Variants in MPDZ observed in about 807,000 individuals in gnomAD.
The protein encoded by MPDZ is multiple PDZ domain crumbs cell polarity complex component.
A neutral mutation model predicts 239.1 loss-of-function variants in MPDZ; 234 were observed. The ratio of observed to expected loss-of-function variants is 0.98; its 90% confidence interval spans 0.88 to 1.09. The LOEUF is 1.09. MPDZ is among the 50% of genes least tolerant of loss of function. MPDZ has a pLI of 0.00. For synonymous variants in MPDZ, 1,048 were observed against 881.3 expected, an observed-to-expected ratio of 1.19 and a Z score of -3.35; for missense variants, 3,175 against 2,510.0, an observed-to-expected ratio of 1.26 and a Z score of -5.66.
chr9:13,136,873 T>C, intron 29 of MPDZ, 70 bp from the exon 30 acceptor site: 6 of 829,432 alleles, frequency 7.2e-6, no homozygotes, highest in Non-Finnish European at 9.3e-6. Context: ...TCCTTCCTCA[T>C]TAATGAAAAG....
intron 19 of MPDZ, among the ~76,000 whole-genome samples, chr9:13,178,297 T>C (rs931483702): frequency 1.3e-5 from 2 of 151,914 alleles, no homozygotes; most frequent in Admixed American, 6.6e-5. Flanking sequence ...TACTGCTAAC[T>C]TGTGTTCCAA....
chr9:13,260,635 G>C (rs918588588), intron 1 of MPDZ, among the ~76,000 whole-genome samples: 1 of 152,092 alleles, frequency 6.6e-6, no homozygotes, highest in African/African-American at 2.4e-5. Flanking sequence ...GGATATAAGG[G>C]TGGGGTTCTG....
At position 13,150,541 on chromosome 9, in the gene MPDZ, T is replaced by A. The variant is rs1254567694; in HGVS notation, c.3600A>T (p.Gly1200=). 5 of 1,577,460 alleles carry A rather than the reference T, an allele frequency of 3.2e-6. No individual in the cohort carries two copies. Among genetic ancestry groups the A allele is most frequent in the Non-Finnish European group, 4.3e-6 (5 of 1,160,388 alleles). Residue 1200 remains glycine (G), a synonymous_variant, in exon 25 of 47, where the codon GGA becomes GGT. Transcript: ENST00000319217. ...VLEDSPAGKN[G]TLKPGDRIVE... ...CGATTCTATCTCCAGGTTTCAAGGT[T>A]CCATTTTTGCCAGCTGGACTATCTT...
intron 18 of MPDZ, among the ~76,000 whole-genome samples, 188 bp from the exon 19 acceptor site, chr9:13,183,773 G>A (rs1953710909): frequency 6.6e-6 from 1 of 152,008 alleles, no homozygotes; most frequent in African/African-American, 2.4e-5. Flanking sequence ...ACCTACAGCA[G>A]AAAGTGCTGG....
At chr9:13,176,022 G>A (rs1952436572) in intron 20 of MPDZ, 114 bp downstream of exon 20, 2 of 1,425,724 alleles carry the variant, frequency 1.4e-6, no homozygotes, top group Admixed American at 5.5e-5. Context: ...GTTGCCTTCT[G>A]AAAATCTTAG....
chr9:13,185,954 A>G (rs1219882417), intron 18 of MPDZ, among the ~76,000 whole-genome samples: 1 of 152,164 alleles, frequency 6.6e-6, no homozygotes, highest in Non-Finnish European at 1.5e-5. Context: ...GAGCACAGTT[A>G]AAGAATGCCT....
intron 1 of MPDZ, chr9:13,279,182 C>G (rs1179222023): frequency 6.7e-6 from 1 of 149,284 alleles, no homozygotes; most frequent in East Asian, 2.0e-4. Context: ...GCGGCTTCCG[C>G]GAAGCGCCGG....
chr9:13,150,187 A>G (rs1948972202), intron 25 of MPDZ, among the ~76,000 whole-genome samples: 1 of 151,060 alleles, frequency 6.6e-6, no homozygotes, highest in South Asian at 2.1e-4. Context: ...CCTTGGAGCC[A>G]TTTTTTTTTA....
chr9:13,268,243 A>G (rs954668892), intron 1 of MPDZ, among the ~76,000 whole-genome samples: 4 of 151,902 alleles, frequency 2.6e-5, no homozygotes, highest in Admixed American at 2.0e-4. Flanking sequence ...ACACCAATTC[A>G]TCAAGTATTA....
At chr9:13,120,111 T>C (rs1355804966) in intron 38 of MPDZ, 1 of 159,348 alleles carries the variant, frequency 6.3e-6, no homozygotes, top group Non-Finnish European at 1.4e-5. Context: ...TATCTCAAAC[T>C]AAACACCATT....
chr9:13,152,394 T>C (rs1267588140), intron 24 of MPDZ, among the ~76,000 whole-genome samples: 4 of 152,068 alleles, frequency 2.6e-5, no homozygotes, highest in Admixed American at 6.6e-5. Context: ...AATTGAATCA[T>C]GGGGGCAGGT....
intron 12 of MPDZ, among the ~76,000 whole-genome samples, chr9:13,200,494 A>C (rs552183378): frequency 6.6e-6 from 1 of 151,852 alleles, no homozygotes; most frequent in East Asian, 1.9e-4. Context: ...TGCTCTTCTA[A>C]GGTTCATAAT....
intron 19 of MPDZ, among the ~76,000 whole-genome samples, chr9:13,177,556 CAG>C (rs1952665382): frequency 6.6e-6 from 1 of 152,060 alleles, no homozygotes; most frequent in African/African-American, 2.4e-5. Context: ...ACTTTTTTTG[CAG>C]TATCTTTTCA....
chr9:13,161,349 C>T (rs1950461874), intron 23 of MPDZ, among the ~76,000 whole-genome samples: 1 of 151,958 alleles, frequency 6.6e-6, no homozygotes, highest in Admixed American at 6.6e-5. Flanking sequence ...GCTGGTGGAT[C>T]ACCTGAGGTC....
At chr9:13,229,004 G>A (rs1326391304) in intron 3 of MPDZ, among the ~76,000 whole-genome samples, 2 of 152,068 alleles carry the variant, frequency 1.3e-5, no homozygotes, top group Non-Finnish European at 2.9e-5. Flanking sequence ...ATGCCTTCCA[G>A]AAGAAATGGA....
intron 18 of MPDZ, among the ~76,000 whole-genome samples, chr9:13,183,809 A>G (rs1319880992): frequency 1.3e-5 from 2 of 152,060 alleles, no homozygotes; most frequent in African/African-American, 2.4e-5. Context: ...TATTTCATCA[A>G]TAAAAGGGCT....
intron 23 of MPDZ, among the ~76,000 whole-genome samples, chr9:13,162,063 G>T (rs1353337514): frequency 1.3e-5 from 2 of 152,058 alleles, no homozygotes; most frequent in African/African-American, 4.8e-5. Flanking sequence ...TCAGAAGTTT[G>T]AGACCAGCCT....
intron 23 of MPDZ, among the ~76,000 whole-genome samples, chr9:13,159,840 G>T (rs1411216008): frequency 2.0e-5 from 3 of 152,022 alleles, no homozygotes; most frequent in Non-Finnish European, 4.4e-5. Flanking sequence ...GCTGATTATT[G>T]TTTACTCATC....
chr9:13,215,753 G>GTTTTTTTTTTTTTTTTTTT (rs56281339), intron 10 of MPDZ, among the ~76,000 whole-genome samples: 6 of 89,048 alleles, frequency 6.7e-5, no homozygotes, highest in Non-Finnish European at 8.0e-5. Flanking sequence ...TCTATTGCAG[G>GTTTTTTTTTTTTTTTTTTT]TTTTTTTTTT....
Sources: gnomAD v4.1 joint callset for allele counts (sites outside exome capture counted in the v4.1 genomes callset) on GRCh38, gnomAD v4.1.1 for gene constraint, MANE v1.5 for transcripts, NCBI Gene and HGNC (gene_info 2026-07-23, HGNC 2026-07-21) for gene names.